Variants in LY75 observed in about 807,000 individuals in gnomAD.
The protein encoded by LY75 is C-type lectin domain family 13 member B.
LY75 carries 185 observed loss-of-function variants against 231.7 expected under a neutral mutation model. The observed-to-expected ratio is 0.80, with a 90% CI of 0.71 to 0.90. LY75 has a LOEUF of 0.90. LY75 is among the 40% of genes least tolerant of loss of function. The pLI, the probability that LY75 is intolerant of heterozygous loss-of-function variation, is 0.00. For missense variants in LY75, 1,947 were observed against 2,050.2 expected (o/e 0.95, Z 0.97); for synonymous variants, 668 against 689.0 (o/e 0.97, Z 0.48).
intron 2 of LY75, 151 bp downstream of exon 2, chr2:159,898,537 C>G: frequency 7.7e-7 from 1 of 1,302,602 alleles, no homozygotes. Context: ...GTAAGAATGT[C>G]GCTCAAAGTA....
chr2:159,863,168 C>G (rs1684765200), intron 14 of LY75, among the ~76,000 whole-genome samples: 1 of 151,986 alleles, frequency 6.6e-6, no homozygotes, highest in Non-Finnish European at 1.5e-5. Context: ...GAGTAGTACT[C>G]CATTGTGTAC....
chr2:159,884,133 T>C (rs956783925), intron 6 of LY75, among the ~76,000 whole-genome samples: 2 of 152,232 alleles, frequency 1.3e-5, no homozygotes, highest in Non-Finnish European at 2.9e-5. Context: ...AAGCTCTCTT[T>C]CTTTGCCTGC....
intron 26 of LY75, among the ~76,000 whole-genome samples, chr2:159,834,785 A>T (rs1218656632): frequency 6.6e-6 from 1 of 152,212 alleles, no homozygotes; most frequent in Non-Finnish European, 1.5e-5. Flanking sequence ...TATTCCACTC[A>T]AATACATTAA....
chr2:159,826,486 G>A (rs1683471682), intron 28 of LY75, among the ~76,000 whole-genome samples: 1 of 134,014 alleles, frequency 7.5e-6, no homozygotes, highest in Non-Finnish European at 1.7e-5. Flanking sequence ...AACATTCCAT[G>A]CTCATGGATA....
In LY75 at chr2:159,850,377, T is replaced by C; in HGVS notation, c.2974A>G (p.Ser992Gly). The C allele has an allele frequency of 6.2e-7, 1 of 1,613,642 alleles. No individual in the cohort carries two copies. Among genetic ancestry groups the C allele is most frequent in the Non-Finnish European group, 8.5e-7 (1 of 1,179,696 alleles). Reference sequence around the variant, plus strand: ...ATTCCAGTACCTTGTTCAATCTGGCTCAACACTGAAGGAAGGGTGCCACCA... The same window carrying C: ...ATTCCAGTACCTTGTTCAATCTGGCCCAACACTGAAGGAAGGGTGCCACCA... The part of the protein sequence containing the change: ...SYGGTLPSVL[S>G]QIEQDFITSL... Residue 992 changes from serine to glycine, a missense_variant, in exon 22 of 35, where the codon AGC (serine) becomes GGC (glycine). By Grantham distance (56) the Ser-to-Gly change is moderately conservative. Coordinates refer to ENST00000263636, the MANE Select transcript of LY75 (RefSeq NM_002349.4).
At position 159,886,547 on chromosome 2, in the gene LY75, AT is replaced by A; in HGVS notation, c.803-18del. 1 of 1,575,008 alleles carries A rather than the reference AT, an allele frequency of 6.3e-7. No homozygotes were observed. ...CTTCTTTTTCTGTAAGAATTAAAAA[AT>A]TTTTAAAAAGTGACAAAGTTGCCTA... On this transcript the variant is annotated intron_variant, in intron 4 of 34. Transcript: ENST00000263636.
intron 17 of LY75, 126 bp from the exon 18 acceptor site, chr2:159,854,661 G>GT: frequency 1.6e-6 from 2 of 1,236,716 alleles, no homozygotes; most frequent in African/African-American, 1.5e-5. Context: ...GGCTGGGGCA[G>GT]TACTGACTAC....
intron 12 of LY75, among the ~76,000 whole-genome samples, chr2:159,872,991 A>T (rs1250039767): frequency 2.0e-5 from 3 of 152,158 alleles, no homozygotes; most frequent in Non-Finnish European, 4.4e-5. Context: ...CGAATATAAG[A>T]CACAGTGACC....
intron 12 of LY75, among the ~76,000 whole-genome samples, chr2:159,874,305 A>G (rs1304854315): frequency 7.6e-6 from 1 of 132,016 alleles, no homozygotes; most frequent in Admixed American, 7.9e-5. Context: ...TTGTAAATAT[A>G]TAAATATATA....
chr2:159,846,249 G>A (rs1043724640), intron 23 of LY75, among the ~76,000 whole-genome samples: 27 of 152,092 alleles, frequency 1.8e-4, no homozygotes, highest in African/African-American at 5.8e-4. Flanking sequence ...CAGAGGCTGG[G>A]TGTGGTGACT....
At chr2:159,852,414 T>G (rs1341194286) in intron 20 of LY75, 74 bp from the exon 21 acceptor site, 36 of 1,401,428 alleles carry the variant, frequency 2.6e-5, no homozygotes, top group Non-Finnish European at 3.2e-5. Flanking sequence ...TTTTGTGTGT[T>G]TTTTTTTGTT....
In LY75 at chr2:159,889,616, A is replaced by T. The variant is rs1279649875; in HGVS notation, c.802+597T>A. 2.6e-5 allele frequency among the ~76,000 whole-genome samples: 4 copies of T among 151,444 alleles called. No homozygotes were observed. The East Asian group carries it at 7.7e-4, about 29-fold the overall frequency. ...ATTGAAATTAACAAGGTGATACTTA[A>T]ATTCTTATGATAGGATAAATGGTCT... is the stretch of plus-strand genomic sequence containing the variant. On this transcript the variant is annotated intron_variant, in intron 4 of 34. Transcript: ENST00000263636.
chr2:159,831,023 G>A (rs908863041), intron 28 of LY75, among the ~76,000 whole-genome samples: 1 of 152,212 alleles, frequency 6.6e-6, no homozygotes, highest in Non-Finnish European at 1.5e-5. Flanking sequence ...AATAAGTATT[G>A]AAGATTTATA....
rs201265039 is a variant in LY75 at position 159,899,012 on chromosome 2, T to G, written c.142A>C (p.Lys48Gln). 46 of 1,614,020 alleles carry G rather than the reference T, an allele frequency of 2.9e-5. No individual in the cohort carries two copies. Among genetic ancestry groups the G allele is most frequent in the South Asian group, 1.9e-4 (17 of 91,088 alleles). Residue 48 changes from lysine to glutamine, a missense_variant, in exon 2 of 35, where the codon AAG becomes CAG. Transcript: ENST00000263636. Reference sequence around the variant, plus strand: ...GCTACTATCCAGCCATACACTGGCTTGATGCACTTGCCCGTATTTCCATGG... The same window carrying G: ...GCTACTATCCAGCCATACACTGGCTGGATGCACTTGCCCGTATTTCCATGG... ...IVHGNTGKCIKPVYGWIVADD... is the reference protein window; with the variant it reads ...IVHGNTGKCIQPVYGWIVADD...
At chr2:159,855,074 C>G in intron 16 of LY75, 135 bp from the exon 17 acceptor site, 2 of 1,090,146 alleles carry the variant, frequency 1.8e-6, no homozygotes. Flanking sequence ...ACCCACTTCA[C>G]GTTTTGATCA....
intron 12 of LY75, 135 bp from the exon 13 acceptor site, chr2:159,872,728 A>C: frequency 2.1e-6 from 2 of 942,730 alleles, no homozygotes; most frequent in East Asian, 2.6e-5. Flanking sequence ...AGGTAAATGC[A>C]CATATACTGA....
At chr2:159,872,373 G>A in intron 13 of LY75, 78 bp downstream of exon 13, 2 of 1,528,028 alleles carry the variant, frequency 1.3e-6, no homozygotes, top group South Asian at 2.5e-5. Flanking sequence ...AACAGAGAGT[G>A]AGGGTAAGAA....
At chr2:159,875,001 ATATT>A (rs920916813) in intron 12 of LY75, among the ~76,000 whole-genome samples, 24 of 143,872 alleles carry the variant, frequency 1.7e-4, no homozygotes, top group African/African-American at 6.1e-4. Flanking sequence ...ATAAATATAT[ATATT>A]GTATATATAA....
At chr2:159,874,240 T>C (rs1203320004) in intron 12 of LY75, among the ~76,000 whole-genome samples, 1 of 132,392 alleles carries the variant, frequency 7.6e-6, no homozygotes, top group African/African-American at 2.8e-5. Context: ...TGTAAATATA[T>C]ATATTGTAAA....
Sources: gnomAD v4.1 joint callset for allele counts (sites outside exome capture counted in the v4.1 genomes callset) on GRCh38, gnomAD v4.1.1 for gene constraint, MANE v1.5 for transcripts, NCBI Gene and HGNC (gene_info 2026-07-23, HGNC 2026-07-21) for gene names.